The following STAU2 variants were observed in gnomAD, a reference collection of about 807,000 sequenced individuals.
The protein encoded by STAU2 is double-stranded RNA-binding protein Staufen homolog 2.
A neutral mutation model predicts 65.9 loss-of-function variants in STAU2; 20 were observed. The observed-to-expected ratio is 0.30, with a 90% confidence interval of 0.21 to 0.44. STAU2 has a LOEUF of 0.44. Ranked by LOEUF, STAU2 falls within the 20% of genes least tolerant of loss-of-function variation. The pLI is 1.00. For synonymous variants in STAU2, 232 were observed against 233.9 expected (o/e 0.99, Z 0.07); for missense variants, 558 against 683.9 (o/e 0.82, Z 2.05).
intron 13 of STAU2, among the ~76,000 whole-genome samples, chr8:73,548,318 G>C (rs1163940704): frequency 1.3e-5 from 2 of 150,800 alleles, no homozygotes; most frequent in Non-Finnish European, 2.9e-5. Flanking sequence ...TGGAAAACAT[G>C]AGGTATAGGA....
intron 13 of STAU2, among the ~76,000 whole-genome samples, chr8:73,469,962 G>C (rs1458133247): frequency 6.6e-6 from 1 of 152,174 alleles, no homozygotes; most frequent in African/African-American, 2.4e-5. Flanking sequence ...GGAGGGGCCT[G>C]ACTGATCCAT....
At chr8:73,581,474 C>A (rs1337815109) in intron 12 of STAU2, among the ~76,000 whole-genome samples, 1 of 152,162 alleles carries the variant, frequency 6.6e-6, no homozygotes, top group Non-Finnish European at 1.5e-5. Context: ...GGAAGGAAAT[C>A]AACATTCATT....
intron 4 of STAU2, among the ~76,000 whole-genome samples, chr8:73,698,423 C>G (rs1364917042): frequency 1.3e-5 from 2 of 152,018 alleles, no homozygotes; most frequent in Non-Finnish European, 2.9e-5. Flanking sequence ...CCTATGAAGA[C>G]ACACACAGAC....
At chr8:73,475,840 A>G (rs1585835604) in intron 13 of STAU2, among the ~76,000 whole-genome samples, 1 of 152,192 alleles carries the variant, frequency 6.6e-6, no homozygotes, top group East Asian at 1.9e-4. Context: ...CTAACTGCTA[A>G]ACCAATTTAC....
At chr8:73,563,330 C>T (rs1024609581) in intron 12 of STAU2, among the ~76,000 whole-genome samples, 8 of 152,154 alleles carry the variant, frequency 5.3e-5, no homozygotes, top group African/African-American at 1.4e-4. Flanking sequence ...CCCCCACCTC[C>T]GTGCTGGAGT....
At chr8:73,660,665 T>C (rs1365037444) in intron 6 of STAU2, among the ~76,000 whole-genome samples, 1 of 152,188 alleles carries the variant, frequency 6.6e-6, no homozygotes, top group Admixed American at 6.5e-5. Flanking sequence ...GGTATGTGTA[T>C]AAAATGCTGC....
chr8:73,541,563 AG>A (rs1420066863), intron 13 of STAU2, among the ~76,000 whole-genome samples: 1 of 152,244 alleles, frequency 6.6e-6, no homozygotes, highest in African/African-American at 2.4e-5. Flanking sequence ...TGCAAAAATC[AG>A]GAAAAAGGTA....
At chr8:73,614,101 A>C (rs1812661429) in intron 8 of STAU2, 145 bp from the exon 9 acceptor site, 1 of 570,214 alleles carries the variant, frequency 1.8e-6, no homozygotes, top group Non-Finnish European at 3.0e-6. Context: ...TGAAGGTATT[A>C]TACTGGGACT....
At chr8:73,739,912 A>C (rs947271075) in intron 1 of STAU2, 44 bp from the exon 2 acceptor site, 30 of 754,606 alleles carry the variant, frequency 4.0e-5, no homozygotes, top group Non-Finnish European at 6.0e-5. Flanking sequence ...ACCACTTCCA[A>C]GATTAGGTTA....
intron 13 of STAU2, among the ~76,000 whole-genome samples, chr8:73,476,847 C>T (rs10808795): frequency 0.61 from 92,026 of 152,066 alleles, 28,908 homozygotes; most frequent in East Asian, 0.91. Context: ...TGGAGACAAA[C>T]GCTCGTGAGA....
chr8:73,647,755 ATTTTTG>A (rs1815500550), intron 6 of STAU2, among the ~76,000 whole-genome samples: 1 of 151,498 alleles, frequency 6.6e-6, no homozygotes. Flanking sequence ...ATTTATTTTT[ATTTTTG>A]TAGAGATAGG....
At chr8:73,738,873 T>C (rs978303905) in intron 2 of STAU2, among the ~76,000 whole-genome samples, 5 of 152,310 alleles carry the variant, frequency 3.3e-5, no homozygotes, top group Middle Eastern at 3.4e-3. Context: ...AAAGAGCATA[T>C]AGTACAATTA....
chr8:73,625,518 AAGT>A (rs1563466107), intron 6 of STAU2, among the ~76,000 whole-genome samples: 1 of 152,192 alleles, frequency 6.6e-6, no homozygotes, highest in Non-Finnish European at 1.5e-5. Flanking sequence ...TAGAGACAGA[AAGT>A]AGATTAGTGG....
At chr8:73,618,505 A>G (rs1277263187) in intron 6 of STAU2, among the ~76,000 whole-genome samples, 5 of 152,154 alleles carry the variant, frequency 3.3e-5, no homozygotes, top group Non-Finnish European at 7.3e-5. Context: ...AAGTTTAGGG[A>G]GACAGGAAAA....
At chr8:73,494,529 A>C (rs185408090) in intron 13 of STAU2, among the ~76,000 whole-genome samples, 27 of 151,812 alleles carry the variant, frequency 1.8e-4, no homozygotes, top group African/African-American at 6.3e-4. Flanking sequence ...TTTTGTACTC[A>C]ATGAAGTTTA....
chr8:73,528,880 T>C (rs912381000), intron 13 of STAU2, among the ~76,000 whole-genome samples: 1 of 152,156 alleles, frequency 6.6e-6, no homozygotes. Flanking sequence ...GGCCTACGTT[T>C]ATTTAATCAT....
chr8:73,574,321 G>C lies in STAU2; in HGVS notation c.1222+8449C>G, dbSNP rs182458236. Among the ~76,000 whole-genome samples, 125 of 152,314 alleles carry C rather than the reference G, an allele frequency of 8.2e-4. 1 individual carries two copies. The highest frequency in any genetic ancestry group is 2.8e-3 in the African/African-American group (116 of 41,570). On this transcript the variant is annotated intron_variant, in intron 12 of 14. Transcript: ENST00000524300. Reference sequence around the variant, plus strand: ...ACACTGTAGGTGGGACTGTAAACTAGTTCAACCATTGTGCAAGACAGTGTG... The same window carrying C: ...ACACTGTAGGTGGGACTGTAAACTACTTCAACCATTGTGCAAGACAGTGTG...
intron 1 of STAU2, among the ~76,000 whole-genome samples, chr8:73,744,679 A>C (rs1057087298): frequency 2.0e-5 from 3 of 152,200 alleles, no homozygotes; most frequent in Non-Finnish European, 4.4e-5. Flanking sequence ...AAGTAAGCTA[A>C]AATGTAAAAT....
chr8:73,438,264 C>G (rs17218256), intron 13 of STAU2, among the ~76,000 whole-genome samples: 50,512 of 152,136 alleles, frequency 0.33, 9,801 homozygotes, highest in Non-Finnish European at 0.43. Context: ...CCAGGCACCA[C>G]GCTGGGCGCT....
Sources: allele counts gnomAD v4.1 joint callset (sites outside exome capture counted in the v4.1 genomes callset), GRCh38; gene constraint gnomAD v4.1.1; transcripts MANE v1.5; gene names NCBI Gene and HGNC (gene_info 2026-07-23, HGNC 2026-07-21).